TTLL5: variants seen among roughly 807,000 people sequenced by gnomAD.
TTLL5 encodes the protein tubulin polyglutamylase TTLL5.
A neutral mutation model predicts 168.4 loss-of-function variants in TTLL5; 132 were observed. The observed-to-expected ratio is 0.78, with a 90% confidence interval of 0.68 to 0.91. The LOEUF is 0.91. Among genes scored for constraint, TTLL5 ranks in the 40% least tolerant of loss-of-function variants. TTLL5 has a pLI of 0.00. For missense variants in TTLL5, 1,545 were observed against 1,581.5 expected, an observed-to-expected ratio of 0.98 and a Z score of 0.39; for synonymous variants, 546 against 558.6, an observed-to-expected ratio of 0.98 and a Z score of 0.32.
chr14:75,937,561 CT>C (rs2034472399), intron 31 of TTLL5, among the ~76,000 whole-genome samples: 2 of 152,180 alleles, frequency 1.3e-5, no homozygotes, highest in African/African-American at 2.4e-5. Flanking sequence ...CACCATTCTA[CT>C]TTCTGTCTCT....
intron 2 of TTLL5, 57 bp downstream of exon 2, chr14:75,663,280 T>C: frequency 6.9e-7 from 1 of 1,445,500 alleles, no homozygotes. Context: ...ACTTATATAC[T>C]CTTATATACT....
intron 31 of TTLL5, among the ~76,000 whole-genome samples, chr14:75,914,845 G>C (rs371704962): frequency 6.6e-6 from 1 of 152,034 alleles, no homozygotes; most frequent in Non-Finnish European, 1.5e-5. Context: ...GGATGGTCTC[G>C]ATCTCCTGAC....
At position 75,713,954 on chromosome 14, in the gene TTLL5, A is replaced by AT. The variant is rs879749079; in HGVS notation, c.741-3893dup. Among the ~76,000 whole-genome samples the AT allele has an allele frequency of 3.5e-3, 504 of 145,652 alleles. 3 individuals are homozygous for AT. Among genetic ancestry groups the AT allele is most frequent in the African/African-American group, 6.5e-3 (259 of 39,872 alleles). Reference sequence around the variant, plus strand: ...TTCCAATTCTGCCAATTGTCCTAAGATTTTTTTTTTTTTTAATTACAAAAG... The same window carrying AT: ...TTCCAATTCTGCCAATTGTCCTAAGATTTTTTTTTTTTTTTAATTACAAAAG... On this transcript the variant is annotated intron_variant, in intron 9 of 31. Transcript: ENST00000298832.
rs150594555 is a variant in TTLL5, at chr14:75,832,395, G to A, written c.3326+12234G>A. The stretch of plus-strand genomic sequence containing the variant: ...GCTGCTTCCTCTGAACTCCACTCTC[G>A]GAGTTTAGTGTATGTTCTTTTGTGT... On this transcript the variant is annotated intron_variant, in intron 28 of 31. Coordinates refer to ENST00000298832, the MANE Select transcript of TTLL5 (RefSeq NM_015072.5). Among the ~76,000 whole-genome samples, 50 of 152,150 alleles carry A rather than the reference G, an allele frequency of 3.3e-4. No homozygotes were observed. In the East Asian group the frequency reaches 9.5e-3, roughly 29 times the overall value.
Position 75,902,400 on chromosome 14 carries a change from A to G in TTLL5, c.3823+176A>G. ...CATTCTTCTTTAAAATAGTCTTGGC[A>G]GCCTAAAATAGGCATTTTCTGGAAC... On this transcript the variant is annotated intron_variant, in intron 31 of 31. Coordinates refer to ENST00000298832, the MANE Select transcript of TTLL5 (RefSeq NM_015072.5). 3 of 716,446 alleles carry G rather than the reference A, an allele frequency of 4.2e-6. No homozygotes were observed. In the East Asian group the frequency reaches 8.2e-5, roughly 19 times the overall value. The allele number at this position is 716,446 out of a possible 1,614,324, so 44.4% of individuals were successfully genotyped here. A position where few individuals can be genotyped will look rare whatever the true frequency, so the allele number is the denominator to read the frequency against.
At chr14:75,857,721 C>T (rs1040265918) in intron 28 of TTLL5, among the ~76,000 whole-genome samples, 7 of 151,264 alleles carry the variant, frequency 4.6e-5, no homozygotes, top group South Asian at 2.1e-4. Flanking sequence ...GCACAATCTC[C>T]GCTCACTGCA....
intron 9 of TTLL5, among the ~76,000 whole-genome samples, chr14:75,716,858 T>C (rs561501583): frequency 1.7e-4 from 26 of 152,324 alleles, no homozygotes; most frequent in Admixed American, 1.2e-3. Context: ...GGATATCAAA[T>C]TGCTACCCTG....
At chr14:75,863,523 T>A in intron 28 of TTLL5, 144 bp from the exon 29 acceptor site, 1 of 725,642 alleles carries the variant, frequency 1.4e-6, no homozygotes, top group Non-Finnish European at 2.2e-6. Context: ...AGTGGGGGAG[T>A]GAGATAATAT....
Position 75,954,397 on chromosome 14 carries a change from T to C in TTLL5, c.3824-27T>C, listed in dbSNP as rs1214833741. The C allele has an allele frequency of 2.5e-6, 4 of 1,613,320 alleles. No homozygotes were observed. In the African/African-American group the frequency reaches 4.0e-5, roughly 16 times the overall value. On this transcript the variant is annotated intron_variant, in intron 31 of 31. Coordinates refer to ENST00000298832, the MANE Select transcript of TTLL5 (RefSeq NM_015072.5). Reference sequence around the variant, plus strand: ...AAACCCCATGCTGTCATTTCATTCATTTCATGGTTGCCTTTCTCTTTTTCA... The same window carrying C: ...AAACCCCATGCTGTCATTTCATTCACTTCATGGTTGCCTTTCTCTTTTTCA...
chr14:75,733,848 C>T (rs1052873351), intron 13 of TTLL5, 141 bp from the exon 14 acceptor site: 43 of 715,166 alleles, frequency 6.0e-5, no homozygotes, highest in African/African-American at 1.6e-4. Context: ...TTTCCCCCAC[C>T]GCCCCCGTGG....
At chr14:75,760,398 A>G (rs1424880849) in intron 18 of TTLL5, among the ~76,000 whole-genome samples, 1 of 152,088 alleles carries the variant, frequency 6.6e-6, no homozygotes, top group African/African-American at 2.4e-5. Context: ...TCATATAGTT[A>G]AAATAGCCAT....
intron 27 of TTLL5, among the ~76,000 whole-genome samples, chr14:75,818,947 G>A (rs1490458350): frequency 1.3e-5 from 2 of 152,160 alleles, no homozygotes; most frequent in Non-Finnish European, 2.9e-5. Context: ...TAGTGAGTAA[G>A]AAAATGGGCT....
chr14:75,817,825 C>CTTTTT (rs1894531250), intron 27 of TTLL5, among the ~76,000 whole-genome samples: 3 of 121,228 alleles, frequency 2.5e-5, no homozygotes, highest in Non-Finnish European at 5.3e-5. Flanking sequence ...CTTTTCTTTT[C>CTTTTT]TTTTCTTTTT....
chr14:75,760,053 A>G (rs1264355048), intron 18 of TTLL5, among the ~76,000 whole-genome samples: 1 of 152,122 alleles, frequency 6.6e-6, no homozygotes, highest in African/African-American at 2.4e-5. Context: ...GAAAGGAGGA[A>G]GTAAAATGTC....
chr14:75,677,542 G>A (rs938510164), intron 3 of TTLL5, among the ~76,000 whole-genome samples: 7 of 151,504 alleles, frequency 4.6e-5, no homozygotes, highest in Admixed American at 2.0e-4. Context: ...GACTACAGGC[G>A]CACAGCACCA....
chr14:75,674,239 T>G (rs370468771), intron 3 of TTLL5, among the ~76,000 whole-genome samples: 1 of 152,230 alleles, frequency 6.6e-6, no homozygotes, highest in East Asian at 1.9e-4. Flanking sequence ...CCTTGTGGCT[T>G]AATAATTTTC....
intron 14 of TTLL5, 66 bp from the exon 15 acceptor site, chr14:75,735,129 G>A: frequency 6.9e-7 from 1 of 1,447,502 alleles, no homozygotes; most frequent in Non-Finnish European, 9.7e-7. Context: ...CTAAAGAAAA[G>A]GTGCAGCCAG....
At chr14:75,744,416 A>G (rs543045997) in intron 15 of TTLL5, 1 of 152,350 alleles carries the variant, frequency 6.6e-6, no homozygotes, top group Non-Finnish European at 1.5e-5. Flanking sequence ...GAAATAGCCA[A>G]GATCCTCTTC....
At chr14:75,924,511 T>C (rs958587345) in intron 31 of TTLL5, among the ~76,000 whole-genome samples, 4 of 151,896 alleles carry the variant, frequency 2.6e-5, no homozygotes, top group African/African-American at 9.7e-5. Flanking sequence ...CCTTCAAGCA[T>C]CTGTTTAACA....
Sources: allele counts gnomAD v4.1 joint callset (sites outside exome capture counted in the v4.1 genomes callset), GRCh38; gene constraint gnomAD v4.1.1; transcripts MANE v1.5; gene names NCBI Gene and HGNC (gene_info 2026-07-23, HGNC 2026-07-21).